Variants in MEG3 observed in about 807,000 individuals in gnomAD.
The protein encoded by MEG3 is maternally expressed 3, also known as Very putative protein from MEG3 locus.
chr14:100,860,659 G>A (rs751827808), intron 1 of MEG3: 8 of 456,670 alleles, frequency 1.8e-5, no homozygotes, highest in South Asian at 1.1e-4. Context: ...CCGGGAGCAG[G>A]TGGCCTTCAT....
chr14:100,837,448 G>A lies in MEG3; in HGVS notation n.3045+1148G>A, dbSNP rs573283239. ...GTGGGCGCTGAGAAAGGTCTGAACC[G>A]TGGGGTGAGGCTGGCTCCATTCCCC... is the stretch of plus-strand genomic sequence containing the variant. On this transcript the variant is annotated intron_variant and non_coding_transcript_variant, in intron 2 of 3. Coordinates refer to the MEG3 transcript ENST00000398461. The surrounding 1 kb of genome is among the most constrained non-coding windows in gnomAD (Gnocchi z 5.8). 1.2e-4 allele frequency among the ~76,000 whole-genome samples: 18 copies of A among 152,276 alleles called. No homozygotes were observed. In the South Asian group the frequency reaches 1.9e-3, roughly 16 times the overall value.
intron 3 of MEG3, chr14:100,851,299 T>G (rs1236536475): frequency 6.6e-6 from 1 of 152,378 alleles, no homozygotes; most frequent in Non-Finnish European, 1.5e-5. Context: ...ATGGGTCACC[T>G]GCACAGGAGG....
chr14:100,836,935 G>A (rs1034234494), intron 2 of MEG3, among the ~76,000 whole-genome samples: 3 of 152,230 alleles, frequency 2.0e-5, no homozygotes, highest in African/African-American at 4.8e-5. Flanking sequence ...TGGTAGAGAA[G>A]AAGAAAGCGG....
At chr14:100,839,120 A>C (rs897091061) in intron 2 of MEG3, among the ~76,000 whole-genome samples, 1 of 152,206 alleles carries the variant, frequency 6.6e-6, no homozygotes, top group Non-Finnish European at 1.5e-5. Flanking sequence ...ATCTTTAATG[A>C]ACTTGCTAAT....
At chr14:100,829,775 C>A (rs750543104), downstream of MEG3, 1 of 152,190 alleles carries the variant, frequency 6.6e-6, no homozygotes, top group Admixed American at 6.5e-5. Context: ...AGACCATCGA[C>A]GGGCTGACTT....
intron 1 of MEG3, among the ~76,000 whole-genome samples, chr14:100,828,258 C>T (rs965515791): frequency 3.3e-5 from 5 of 152,048 alleles, no homozygotes; most frequent in Admixed American, 2.0e-4. Flanking sequence ...GTGCCAGCCC[C>T]GCTACCTTGG....
chr14:100,836,678 C>A (rs10149931), intron 2 of MEG3, among the ~76,000 whole-genome samples: 4,251 of 152,174 alleles, frequency 0.028, 171 homozygotes, highest in African/African-American at 0.078. Context: ...CCACACCCGG[C>A]CCAGGGACCC....
intron 2 of MEG3, among the ~76,000 whole-genome samples, chr14:100,842,692 A>G (rs1452279131): frequency 1.3e-5 from 2 of 152,212 alleles, no homozygotes; most frequent in Non-Finnish European, 2.9e-5. Flanking sequence ...TGAAACAGCC[A>G]TAAGTTGTTT....
At chr14:100,858,611 C>T (rs1027796175) in exon 1 of MEG3, 1 of 152,938 alleles carries the variant, frequency 6.5e-6, no homozygotes, top group South Asian at 2.1e-4. Flanking sequence ...CTCTCTTCCA[C>T]CCGCCTCTTC....
chr14:100,849,029 T>A (rs1276643596), intron 3 of MEG3: 1 of 152,132 alleles, frequency 6.6e-6, no homozygotes, highest in Admixed American at 6.5e-5. Context: ...CGAATGAGAA[T>A]GGATGATTTT....
exon 2 of MEG3, chr14:100,860,762 G>A (rs987625749): frequency 2.2e-6 from 1 of 454,838 alleles, no homozygotes; most frequent in Non-Finnish European, 4.4e-6. Context: ...CTGGACCCGG[G>A]GCCTCCCCTT....
In MEG3 at chr14:100,845,403, TCC is replaced by T. The variant is rs2037888744; in HGVS notation, n.3046-54_3046-53del. 20 of 438,858 alleles carry T rather than the reference TCC, an allele frequency of 4.6e-5. No homozygotes were observed. Among genetic ancestry groups the T allele is most frequent in the South Asian group, 3.1e-4 (19 of 61,960 alleles). The allele number at this position is 438,858 out of a possible 1,614,324, so 27.2% of individuals were successfully genotyped here. ...CTGTTGTCCTCATCCGCCCTCCTCCTCCTCGCCGGCCTGAGTGAGGTTCTACT... is the reference window on the plus strand; with the variant it reads ...CTGTTGTCCTCATCCGCCCTCCTCCTTCGCCGGCCTGAGTGAGGTTCTACT... On this transcript the variant is annotated intron_variant and non_coding_transcript_variant, in intron 2 of 3. Transcript: ENST00000398461. This position sits in a 1 kb window ranked among gnomAD's most constrained non-coding sequence, Gnocchi z 5.2.
intron 2 of MEG3, among the ~76,000 whole-genome samples, chr14:100,841,638 C>CG (rs71113293): frequency 0.078 from 11,763 of 151,700 alleles, 557 homozygotes; most frequent in African/African-American, 0.12. Flanking sequence ...CCTGTGTGGT[C>CG]GGGGGGGGTC....
chr14:100,835,046 G>T (rs1268755578), exon 1 of MEG3: 2 of 348,944 alleles, frequency 5.7e-6, no homozygotes, highest in Non-Finnish European at 5.7e-6. Context: ...AGGAGGGCGG[G>T]CCGGGGGGTT....
At chr14:100,833,943 T>C (rs1337831075), downstream of MEG3, 6 of 152,356 alleles carry the variant, frequency 3.9e-5, no homozygotes, top group East Asian at 1.2e-3. Flanking sequence ...AATCGGATAC[T>C]GTTTCCAAGT....
At position 100,835,931 on chromosome 14, in the gene MEG3, G is replaced by A. The variant is rs1274650588; in HGVS notation, n.2911+52G>A. ...CCTCCGCCGTGGCCCTGAGAGTCCT[G>A]GGCTCTGCCCCGCCCGGTCCCTTGC... On this transcript the variant is annotated intron_variant and non_coding_transcript_variant, in intron 1 of 3. Transcript: ENST00000398461. 5 of 315,898 alleles carry A rather than the reference G, an allele frequency of 1.6e-5. No homozygotes were observed. The East Asian group carries it at 5.4e-4, about 34-fold the overall frequency. The allele number at this position is 315,898 out of a possible 1,614,324, so 19.6% of individuals were successfully genotyped here. A position where few individuals can be genotyped will look rare whatever the true frequency, so the allele number is the denominator to read the frequency against.
At chr14:100,832,960 C>G (rs1045957740), downstream of MEG3, 4 of 152,310 alleles carry the variant, frequency 2.6e-5, no homozygotes, top group African/African-American at 9.6e-5. Context: ...TCTGACTCAT[C>G]TCAGGACCCA....
chr14:100,849,349 T>A (rs1220339593), intron 3 of MEG3: 1 of 152,128 alleles, frequency 6.6e-6, no homozygotes, highest in African/African-American at 2.4e-5. Context: ...CAGATTATGG[T>A]TAATCCAATT....
At chr14:100,860,187 G>A in exon 1 of MEG3, 1 of 184,178 alleles carries the variant, frequency 5.4e-6, no homozygotes. Flanking sequence ...GCTCTGGGGA[G>A]ACAGTGGCAG....
Sources: allele counts gnomAD v4.1 joint callset (sites outside exome capture counted in the v4.1 genomes callset), GRCh38; gene constraint gnomAD v4.1.1; non-coding constraint Gnocchi (gnomAD v3.1); transcripts MANE v1.5; gene names NCBI Gene and HGNC (gene_info 2026-07-23, HGNC 2026-07-21).